Variants in SNTB2 observed in about 807,000 individuals in gnomAD.
SNTB2 encodes beta-2-syntrophin.
Under a neutral mutation model 46.2 loss-of-function variants are expected in SNTB2, and 34 were observed. The observed-to-expected ratio is 0.74, with a 90% CI of 0.56 to 0.98. SNTB2 has a LOEUF of 0.98. Ranked by LOEUF, SNTB2 falls within the 50% of genes least tolerant of loss-of-function variation. The probability of loss-of-function intolerance (pLI) is 0.00; values close to 1 mark genes in which losing one functional copy is unlikely to be tolerated. For missense variants in SNTB2, 603 were observed against 731.4 expected (o/e 0.82, Z 2.02); for synonymous variants, 290 against 312.6 (o/e 0.93, Z 0.76).
At chr16:69,286,167 G>T (rs1382429764) in intron 5 of SNTB2, among the ~76,000 whole-genome samples, 1 of 152,140 alleles carries the variant, frequency 6.6e-6, no homozygotes, top group Non-Finnish European at 1.5e-5. Flanking sequence ...GCCCAGGCTG[G>T]TCTCAACTCC....
intron 1 of SNTB2, among the ~76,000 whole-genome samples, chr16:69,210,943 A>T (rs1241917960): frequency 6.6e-6 from 1 of 152,000 alleles, no homozygotes; most frequent in Non-Finnish European, 1.5e-5. Context: ...GTGAGCCGAG[A>T]TTGCACCACT....
chr16:69,212,602 G>A (rs1024669540), intron 1 of SNTB2, among the ~76,000 whole-genome samples: 2 of 152,102 alleles, frequency 1.3e-5, no homozygotes, highest in Non-Finnish European at 2.9e-5. Flanking sequence ...CTCCCAAAGT[G>A]CTGGGATTAC....
At chr16:69,260,867 G>T (rs16958711) in intron 3 of SNTB2, among the ~76,000 whole-genome samples, 8,136 of 152,114 alleles carry the variant, frequency 0.053, 246 homozygotes, top group South Asian at 0.075. Context: ...AGGTACAATT[G>T]TCTTCCATAA....
intron 6 of SNTB2, 118 bp downstream of exon 6, chr16:69,299,892 T>A: frequency 8.5e-7 from 1 of 1,169,780 alleles, no homozygotes; most frequent in Non-Finnish European, 1.2e-6. Context: ...CATGAAATTT[T>A]AAATTAAAAA....
chr16:69,200,859 T>G (rs1323153734), intron 1 of SNTB2, among the ~76,000 whole-genome samples: 2 of 152,160 alleles, frequency 1.3e-5, no homozygotes, highest in African/African-American at 4.8e-5. Flanking sequence ...ACTCTATTTT[T>G]GTTTGCTTTT....
At chr16:69,228,685 A>G (rs1398594879) in intron 1 of SNTB2, among the ~76,000 whole-genome samples, 1 of 152,056 alleles carries the variant, frequency 6.6e-6, no homozygotes, top group Non-Finnish European at 1.5e-5. Flanking sequence ...AGCATATTCT[A>G]TTAATTATGT....
Position 69,250,847 on chromosome 16 carries a change from G to C in SNTB2, c.794+5032G>C, listed in dbSNP as rs113651151. Among the ~76,000 whole-genome samples, 54 of 152,080 alleles carry C rather than the reference G, an allele frequency of 3.6e-4. 1 individual carries two copies. Among genetic ancestry groups the C allele is most frequent in the African/African-American group, 1.1e-3 (44 of 41,496 alleles). On this transcript the variant is annotated intron_variant, in intron 2 of 6. Transcript: ENST00000336278. ...GCCGAGATTGTGCCACTGCACTCCA[G>C]CCTGGACACACCAGGTGACAGAGTG...
intron 1 of SNTB2, among the ~76,000 whole-genome samples, chr16:69,207,347 C>T (rs1372905349): frequency 3.3e-5 from 5 of 150,066 alleles, no homozygotes; most frequent in South Asian, 2.1e-4. Flanking sequence ...GTAGAGATGG[C>T]GTTTCACTAT....
intron 1 of SNTB2, among the ~76,000 whole-genome samples, chr16:69,225,872 AT>A (rs1427221858): frequency 6.6e-6 from 1 of 151,668 alleles, no homozygotes; most frequent in Non-Finnish European, 1.5e-5. Flanking sequence ...GGTTCAAGTG[AT>A]TCTCCTACCT....
chr16:69,201,918 A>G (rs1405697945), intron 1 of SNTB2, among the ~76,000 whole-genome samples: 1 of 152,124 alleles, frequency 6.6e-6, no homozygotes, highest in Non-Finnish European at 1.5e-5. Flanking sequence ...ATCAGTCTGC[A>G]TGTCTGGAGA....
chr16:69,254,832 G>C (rs1964758100), intron 2 of SNTB2, among the ~76,000 whole-genome samples: 1 of 152,004 alleles, frequency 6.6e-6, no homozygotes, highest in Admixed American at 6.6e-5. Flanking sequence ...TTTTTTTAAA[G>C]TAGTTGGGTG....
At chr16:69,208,768 G>A (rs1347680152) in intron 1 of SNTB2, among the ~76,000 whole-genome samples, 1 of 152,094 alleles carries the variant, frequency 6.6e-6, no homozygotes, top group Non-Finnish European at 1.5e-5. Flanking sequence ...GGCCGAGGCA[G>A]GCGGATCATG....
intron 1 of SNTB2, among the ~76,000 whole-genome samples, chr16:69,193,903 G>C (rs1000185802): frequency 2.0e-5 from 3 of 152,158 alleles, no homozygotes; most frequent in Non-Finnish European, 2.9e-5. Flanking sequence ...GTTTCTCTCT[G>C]AGAATGTCTT....
chr16:69,245,342 T>C lies in SNTB2; in HGVS notation c.581-260T>C, dbSNP rs141881473. 4.0e-4 allele frequency among the ~76,000 whole-genome samples: 61 copies of C among 152,128 alleles called. No individual in the cohort carries two copies. In the Middle Eastern group the frequency reaches 0.014, roughly 34 times the overall value. On this transcript the variant is annotated intron_variant, in intron 1 of 6. Transcript: ENST00000336278. ...CTGAGTAGTTGGGACTACAGGCGCA[T>C]GCCACCACGCTCACCTAATTTTTTG...
chr16:69,194,383 AT>A (rs1274593798), intron 1 of SNTB2, among the ~76,000 whole-genome samples: 1 of 152,132 alleles, frequency 6.6e-6, no homozygotes, highest in Non-Finnish European at 1.5e-5. Flanking sequence ...ACCACACTGT[AT>A]TTTGTAGCTG....
chr16:69,292,365 TATATATATATATATTATATATATATTATA>T (rs1965169242), intron 5 of SNTB2, among the ~76,000 whole-genome samples: 2 of 32,454 alleles, frequency 6.2e-5, no homozygotes, highest in African/African-American at 1.4e-4. Flanking sequence ...TATATATATA[TATATATATATATATTATATATATATTATA>T]TATATATATA....
intron 3 of SNTB2, among the ~76,000 whole-genome samples, chr16:69,266,505 A>G (rs955093556): frequency 2.6e-5 from 4 of 151,984 alleles, no homozygotes; most frequent in Admixed American, 6.5e-5. Flanking sequence ...GACTTGAAAG[A>G]GTTAAAAGAG....
chr16:69,196,837 G>A (rs765927418), intron 1 of SNTB2, among the ~76,000 whole-genome samples: 6 of 152,182 alleles, frequency 3.9e-5, no homozygotes, highest in Non-Finnish European at 5.9e-5. Context: ...CACAGCCTTT[G>A]ATATTAACCA....
At chr16:69,268,261 C>T (rs969321913) in intron 3 of SNTB2, among the ~76,000 whole-genome samples, 1 of 151,918 alleles carries the variant, frequency 6.6e-6, no homozygotes, top group South Asian at 2.1e-4. Context: ...GTCAAGAGTT[C>T]GAGACCAGTA....
Sources: gnomAD v4.1 joint callset for allele counts (sites outside exome capture counted in the v4.1 genomes callset) on GRCh38, gnomAD v4.1.1 for gene constraint, MANE v1.5 for transcripts, NCBI Gene and HGNC (gene_info 2026-07-23, HGNC 2026-07-21) for gene names.